Variants in NLRP13 observed in about 807,000 individuals in gnomAD.
The protein encoded by NLRP13 is NACHT, LRR and PYD domains-containing protein 13.
NLRP13 carries 82 observed loss-of-function variants against 94.4 expected under a neutral mutation model. The ratio of observed to expected loss-of-function variants is 0.87; its 90% CI spans 0.73 to 1.04. The LOEUF (loss-of-function observed/expected upper bound fraction) is 1.04. NLRP13 is among the 50% of genes least tolerant of loss of function. The pLI is 0.00. For synonymous variants in NLRP13, 553 were observed against 464.7 expected (o/e 1.19, Z -2.45); for missense variants, 1,426 against 1,230.8 (o/e 1.16, Z -2.37).
chr19:55,896,829 A>C (rs1265958408), intron 10 of NLRP13, among the ~76,000 whole-genome samples: 4 of 146,980 alleles, frequency 2.7e-5, no homozygotes, highest in Admixed American at 2.7e-4. Flanking sequence ...ACAAAAAAAA[A>C]AAAAAAAAAA....
chr19:55,927,717 G>C (rs1426585889), intron 1 of NLRP13, among the ~76,000 whole-genome samples: 1 of 152,160 alleles, frequency 6.6e-6, no homozygotes, highest in African/African-American at 2.4e-5. Context: ...TTCCTACTCT[G>C]TGCCCAGTGC....
At position 55,907,701 on chromosome 19, in the gene NLRP13, G is replaced by C. The variant is rs76534576; in HGVS notation, c.2447+91C>G. The C allele has an allele frequency of 1.1e-3, 1,327 of 1,200,400 alleles. 15 individuals are homozygous for C. The African/African-American group carries it at 0.017, about 16-fold the overall frequency. The allele number at this position is 1,200,400 out of a possible 1,614,324, so 74.4% of individuals were successfully genotyped here. On this transcript the variant is annotated intron_variant, in intron 7 of 10. Coordinates refer to ENST00000342929, the MANE Select transcript of NLRP13 (RefSeq NM_176810.2). ...CCTTCTCTGTCTCCTTTTGCTACAAGGCTGAGTGCTGTCAGCCCTCCCAGT... is the reference window on the plus strand; with the variant it reads ...CCTTCTCTGTCTCCTTTTGCTACAACGCTGAGTGCTGTCAGCCCTCCCAGT...
At chr19:55,895,146 CTT>C (rs1985968224), downstream of NLRP13, among the ~76,000 whole-genome samples, 1 of 148,312 alleles carries the variant, frequency 6.7e-6, no homozygotes, top group Non-Finnish European at 1.5e-5. Context: ...AATCGCAGCA[CTT>C]TGGGAGGCGG....
chr19:55,909,393 C>T (rs1270508391), intron 6 of NLRP13, among the ~76,000 whole-genome samples: 1 of 152,142 alleles, frequency 6.6e-6, no homozygotes, highest in Non-Finnish European at 1.5e-5. Context: ...ATTTTTAATT[C>T]ACATACTTTT....
At position 55,924,789 on chromosome 19, in the gene NLRP13, G is replaced by A. The variant is rs11880707; in HGVS notation, c.389-131C>T. 8.9e-3 allele frequency: 7,828 copies of A among 876,070 alleles called. 302 individuals are homozygous for A. In the African/African-American group the frequency reaches 0.093, roughly 10 times the overall value. The allele number at this position is 876,070 out of a possible 1,614,324, so 54.3% of individuals were successfully genotyped here. A position where few individuals can be genotyped will look rare whatever the true frequency, so the allele number is the denominator to read the frequency against. On this transcript the variant is annotated intron_variant, in intron 2 of 10. Coordinates refer to ENST00000342929, the MANE Select transcript of NLRP13 (RefSeq NM_176810.2). ...TTGAAGAGACTGGAGGAATCAGTAT[G>A]CCCAGTTTACAGTAAGTTATCATTT... is the stretch of plus-strand genomic sequence containing the variant.
chr19:55,907,030 G>T (rs1002432700), intron 7 of NLRP13, among the ~76,000 whole-genome samples: 3 of 152,006 alleles, frequency 2.0e-5, no homozygotes, highest in Non-Finnish European at 2.9e-5. Flanking sequence ...CACAATCTTG[G>T]CTCACTGCAA....
chr19:55,908,930 T>C (rs62128197), intron 6 of NLRP13, among the ~76,000 whole-genome samples: 75,664 of 152,054 alleles, frequency 0.5, 19,277 homozygotes, highest in African/African-American at 0.61. Flanking sequence ...AAAAAATAAA[T>C]GAAGGCCACA....
rs150359063 is a variant in NLRP13 at position 55,911,821 on chromosome 19, A to G, written c.1996T>C (p.Leu666=). 4.3e-6 allele frequency: 7 copies of G among 1,614,058 alleles called. No homozygotes were observed. Among genetic ancestry groups the G allele is most frequent in the Middle Eastern group, 1.6e-4 (1 of 6,082 alleles). The change falls in exon 5 of 11, where the codon TTG becomes CTG. Residue 666 remains leucine (L), a synonymous_variant. Transcript: ENST00000342929. ...GAAGCTTGGAGTTCTTCGTCCTCCA[A>G]AATATTAAGGTCAACTTCAAAGATA... ...GRIFEVDLNI[L]EDEELQASSF... is the part of the protein sequence containing the mutation.
chr19:55,922,790 G>T (rs1200324838), intron 4 of NLRP13, among the ~76,000 whole-genome samples: 2 of 152,212 alleles, frequency 1.3e-5, no homozygotes, highest in Admixed American at 1.3e-4. Flanking sequence ...GTTATGGGAG[G>T]ATAGAAGGGA....
intron 1 of NLRP13, among the ~76,000 whole-genome samples, chr19:55,927,417 G>A (rs190218426): frequency 1.7e-4 from 26 of 149,190 alleles, no homozygotes; most frequent in Non-Finnish European, 2.5e-4. Context: ...ATTTGCCTTC[G>A]ATTATTCTCC....
At position 55,920,726 on chromosome 19, in the gene NLRP13, A is replaced by G. The variant is rs1474427066; in HGVS notation, c.523+3188T>C. ...TCAAAGAACTAAAAATAGAACTACCATTTGATCAAACAGTATCACTATTGG... is the reference window on the plus strand; with the variant it reads ...TCAAAGAACTAAAAATAGAACTACCGTTTGATCAAACAGTATCACTATTGG... On this transcript the variant is annotated intron_variant, in intron 4 of 10. Transcript: ENST00000342929. Among the ~76,000 whole-genome samples, 3 of 152,176 alleles carry G rather than the reference A, an allele frequency of 2.0e-5. No individual in the cohort carries two copies. In the East Asian group the frequency reaches 5.8e-4, roughly 29 times the overall value.
At chr19:55,924,930 C>G in intron 2 of NLRP13, 37 bp downstream of exon 2, 1 of 1,556,048 alleles carries the variant, frequency 6.4e-7, no homozygotes, top group Non-Finnish European at 8.9e-7. Flanking sequence ...CTCCATCAAG[C>G]AACCTGTCCA....
chr19:55,892,198 G>A (rs1468663316), downstream of NLRP13: 7 of 1,092,590 alleles, frequency 6.4e-6, no homozygotes, highest in Non-Finnish European at 5.8e-6. Flanking sequence ...AGGTTCAGGG[G>A]AACACGTACA....
intron 7 of NLRP13, 133 bp from the exon 8 acceptor site, chr19:55,905,245 A>C: frequency 9.5e-7 from 1 of 1,053,664 alleles, no homozygotes; most frequent in Non-Finnish European, 1.3e-6. Flanking sequence ...CAAAAGCTTA[A>C]AGAAGGAGAA....
intron 4 of NLRP13, among the ~76,000 whole-genome samples, chr19:55,915,470 C>T (rs190783471): frequency 7.2e-5 from 11 of 152,002 alleles, no homozygotes; most frequent in East Asian, 3.9e-4. Context: ...TGGTGGCACG[C>T]GCCTGTAATC....
At chr19:55,924,837 A>C in intron 2 of NLRP13, 130 bp downstream of exon 2, 1 of 865,486 alleles carries the variant, frequency 1.2e-6, no homozygotes, top group Non-Finnish European at 1.9e-6. Context: ...TGAAAGAATT[A>C]GTTGGAAAGT....
chr19:55,931,568 G>C (rs1987135645), intron 1 of NLRP13, among the ~76,000 whole-genome samples: 1 of 151,044 alleles, frequency 6.6e-6, no homozygotes, highest in Admixed American at 6.6e-5. Flanking sequence ...AATTAGCCGG[G>C]TGTGGTGGCG....
downstream of NLRP13, among the ~76,000 whole-genome samples, chr19:55,893,765 G>A (rs570024119): frequency 9.9e-5 from 15 of 152,266 alleles, no homozygotes; most frequent in South Asian, 2.1e-4. Context: ...AAATCTGAGC[G>A]TTCTACAAGA....
rs1262925848 is a variant in NLRP13, at chr19:55,904,946, G to A, written c.2614C>T (p.Leu872=). 6.2e-7 allele frequency: 1 copy of A among 1,610,580 alleles called. No individual in the cohort carries two copies. The highest frequency in any genetic ancestry group is 1.3e-5 in the African/African-American group (1 of 74,808). ...LTHPKCALER[L]ELWFCQLAAP... is the part of the protein sequence containing the mutation. ...ATGGAAGTAGGGAAAACTTACTCCAGTCTCTCTAAGGCACACTTGGGGTGA... is the reference window on the plus strand; with the variant it reads ...ATGGAAGTAGGGAAAACTTACTCCAATCTCTCTAAGGCACACTTGGGGTGA... Residue 872 remains leucine, a synonymous_variant, in exon 8 of 11, where the codon CTG becomes TTG. Transcript: ENST00000342929.
Sources: allele counts gnomAD v4.1 joint callset (sites outside exome capture counted in the v4.1 genomes callset), GRCh38; gene constraint gnomAD v4.1.1; transcripts MANE v1.5; gene names NCBI Gene and HGNC (gene_info 2026-07-23, HGNC 2026-07-21).